Variants in ST8SIA6 observed in about 807,000 individuals in gnomAD.
ST8SIA6 encodes the protein alpha-2,8-sialyltransferase 8F.
A neutral mutation model predicts 33.6 loss-of-function variants in ST8SIA6; 39 were observed. The ratio of observed to expected loss-of-function variants is 1.16; its 90% CI spans 0.90 to 1.52. The LOEUF (loss-of-function observed/expected upper bound fraction) is 1.52. ST8SIA6 is among the 40% of genes most tolerant of loss of function. The pLI is 0.00. For synonymous variants in ST8SIA6, 172 were observed against 167.2 expected (o/e 1.03, Z -0.22); for missense variants, 441 against 443.8 (o/e 0.99, Z 0.06).
At position 17,453,634 on chromosome 10, in the gene ST8SIA6, T is replaced by G; in HGVS notation, c.125A>C (p.Glu42Ala). ...CGCTGCGGGGGTGCCGTGGGTGGCCTCCCTGCTTTCCTCCACCAGAATCCT... is the reference window on the plus strand; with the variant it reads ...CGCTGCGGGGGTGCCGTGGGTGGCCGCCCTGCTTTCCTCCACCAGAATCCT... ...RARILVEESR[E>A]ATHGTPAALR... is the part of the protein sequence containing the mutation. Residue 42 changes from glutamate (E) to alanine (A), a missense_variant, in exon 2 of 8, where the codon GAG (glutamate) becomes GCG (alanine). Transcript: ENST00000377602. 7.6e-7 allele frequency: 1 copy of G among 1,324,124 alleles called. No homozygotes were observed. The highest frequency in any genetic ancestry group is 9.7e-7 in the Non-Finnish European group (1 of 1,029,602). 82.0% of individuals were successfully genotyped at this position (1,324,124 alleles called of 1,614,324 possible).
chr10:17,331,265 A>C, intron 5 of ST8SIA6, 143 bp downstream of exon 5: 1 of 990,306 alleles, frequency 1.0e-6, no homozygotes, highest in Non-Finnish European at 1.4e-6. Context: ...CCCTTTTAAA[A>C]AATGGCTCAC....
intron 3 of ST8SIA6, among the ~76,000 whole-genome samples, chr10:17,374,117 GA>G (rs1849819538): frequency 3.4e-5 from 4 of 118,778 alleles, no homozygotes. Flanking sequence ...ACACACACGG[GA>G]AAAGTAGTCT....
chr10:17,407,461 C>T (rs975348542), intron 2 of ST8SIA6, among the ~76,000 whole-genome samples: 1 of 152,198 alleles, frequency 6.6e-6, no homozygotes, highest in East Asian at 1.9e-4. Context: ...ACTGCACTTG[C>T]TCAGATCACC....
At chr10:17,354,602 AT>A in intron 4 of ST8SIA6, among the ~76,000 whole-genome samples, 1 of 152,328 alleles carries the variant, frequency 6.6e-6, no homozygotes, top group African/African-American at 2.4e-5. Flanking sequence ...ATCTCACAAA[AT>A]GTAAATTCAT....
chr10:17,327,136 G>A lies in ST8SIA6; in HGVS notation c.523-10C>T. ...CCACAAAAGGCTGGGACTAGCAGGAGAAAGTGGAAAACTACCATGAAATAC... is the reference window on the plus strand; with the variant it reads ...CCACAAAAGGCTGGGACTAGCAGGAAAAAGTGGAAAACTACCATGAAATAC... On this transcript the variant is annotated splice_polypyrimidine_tract_variant and intron_variant, in intron 5 of 7. Transcript: ENST00000377602. 1 of 1,583,476 alleles carries A rather than the reference G, an allele frequency of 6.3e-7. No individual in the cohort carries two copies. Among genetic ancestry groups the A allele is most frequent in the Non-Finnish European group, 8.6e-7 (1 of 1,165,002 alleles).
At chr10:17,341,964 C>A (rs139961832) in intron 4 of ST8SIA6, among the ~76,000 whole-genome samples, 28 of 147,420 alleles carry the variant, frequency 1.9e-4, no homozygotes, top group South Asian at 8.7e-4. Flanking sequence ...CTGTCTATAA[C>A]CCAGAAGAGG....
chr10:17,370,504 G>A (rs1304488965), intron 3 of ST8SIA6, among the ~76,000 whole-genome samples: 2 of 151,888 alleles, frequency 1.3e-5, no homozygotes, highest in Non-Finnish European at 2.9e-5. Flanking sequence ...TTTCAATGTG[G>A]TTGCTCTAAG....
rs1312950749 is a variant in ST8SIA6, at chr10:17,316,750, C to G, written c.*4128G>C. Among the ~76,000 whole-genome samples the G allele has an allele frequency of 1.3e-5, 2 of 152,112 alleles. No individual in the cohort carries two copies. The highest frequency in any genetic ancestry group is 6.6e-5 in the Admixed American group (1 of 15,252). On this transcript the variant is annotated 3_prime_UTR_variant, in exon 8 of 8. Transcript: ENST00000377602. ...CTTCCTATTCTTATTAGCTACTCAG[C>G]TTTCCCCTTTGTAAATCACATTCTT...
At chr10:17,405,966 C>G (rs1163361801) in intron 2 of ST8SIA6, among the ~76,000 whole-genome samples, 1 of 151,858 alleles carries the variant, frequency 6.6e-6, no homozygotes, top group African/African-American at 2.4e-5. Flanking sequence ...GAATAATCCT[C>G]TCTTTGATGA....
chr10:17,399,894 G>A (rs1402660105), intron 2 of ST8SIA6, among the ~76,000 whole-genome samples: 1 of 149,318 alleles, frequency 6.7e-6, no homozygotes, highest in Non-Finnish European at 1.5e-5. Flanking sequence ...CTCCAGCCTG[G>A]ATGACTGAGG....
chr10:17,346,224 T>C (rs1042642526), intron 4 of ST8SIA6, among the ~76,000 whole-genome samples: 9 of 152,316 alleles, frequency 5.9e-5, no homozygotes, highest in Admixed American at 3.9e-4. Flanking sequence ...GTAACTTAAC[T>C]GACATGTGAG....
chr10:17,433,788 G>A (rs1852171252), intron 2 of ST8SIA6, among the ~76,000 whole-genome samples: 1 of 152,154 alleles, frequency 6.6e-6, no homozygotes, highest in African/African-American at 2.4e-5. Flanking sequence ...CTCAAAACCT[G>A]TGAGATAATG....
intron 2 of ST8SIA6, among the ~76,000 whole-genome samples, chr10:17,445,100 T>A (rs1852657761): frequency 6.6e-6 from 1 of 151,396 alleles, no homozygotes; most frequent in African/African-American, 2.4e-5. Flanking sequence ...AGGGTAAAAA[T>A]CAAGTGTTCT....
intron 4 of ST8SIA6, among the ~76,000 whole-genome samples, chr10:17,338,355 G>A (rs1235202556): frequency 6.6e-6 from 1 of 152,148 alleles, no homozygotes; most frequent in Non-Finnish European, 1.5e-5. Flanking sequence ...TTAAAGATGA[G>A]AAAATTGGGG....
At chr10:17,426,516 G>C (rs914703578) in intron 2 of ST8SIA6, among the ~76,000 whole-genome samples, 6 of 152,192 alleles carry the variant, frequency 3.9e-5, no homozygotes, top group Non-Finnish European at 8.8e-5. Flanking sequence ...GCCAACACTT[G>C]TCAGTCATTA....
intron 2 of ST8SIA6, among the ~76,000 whole-genome samples, chr10:17,408,636 G>C (rs1311584375): frequency 6.6e-6 from 1 of 151,400 alleles, no homozygotes; most frequent in Non-Finnish European, 1.5e-5. Context: ...CTCCAGCCTG[G>C]GTGACAGAGC....
chr10:17,334,268 G>A (rs914088597), intron 4 of ST8SIA6, among the ~76,000 whole-genome samples: 4 of 151,520 alleles, frequency 2.6e-5, no homozygotes, highest in Admixed American at 1.3e-4. Flanking sequence ...GGCTGGGCGC[G>A]GTGGCTCACG....
chr10:17,443,439 C>T (rs186672196), intron 2 of ST8SIA6, among the ~76,000 whole-genome samples: 1 of 152,248 alleles, frequency 6.6e-6, no homozygotes, highest in Non-Finnish European at 1.5e-5. Flanking sequence ...TCTGGGAATG[C>T]TGCATTTAAA....
chr10:17,359,703 T>C (rs1849321804), intron 3 of ST8SIA6, 103 bp from the exon 4 acceptor site: 2 of 601,052 alleles, frequency 3.3e-6, no homozygotes. Context: ...TAAATATTTT[T>C]TGATATAAGG....
Sources: allele counts gnomAD v4.1 joint callset (sites outside exome capture counted in the v4.1 genomes callset), GRCh38; gene constraint gnomAD v4.1.1; transcripts MANE v1.5; gene names NCBI Gene and HGNC (gene_info 2026-07-23, HGNC 2026-07-21).